CHRM4: variants seen among roughly 807,000 people sequenced by gnomAD.
The protein encoded by CHRM4 is cholinergic receptor muscarinic 4.
In CHRM4, 5 loss-of-function variants were observed where a neutral mutation model predicts 26.3. The ratio of observed to expected loss-of-function variants is 0.19; its 90% confidence interval spans 0.10 to 0.40. CHRM4 has a LOEUF of 0.40. Ranked by LOEUF, CHRM4 falls within the 10% of genes least tolerant of loss-of-function variation. CHRM4 has a pLI of 1.00. For missense variants in CHRM4, 402 were observed against 664.5 expected (o/e 0.60, Z 4.34); for synonymous variants, 290 against 285.3 (o/e 1.02, Z -0.16).
chr11:46,385,884 C>T lies in CHRM4; in HGVS notation c.674G>A (p.Arg225Gln), dbSNP rs777896843. Residue 225 changes from arginine to glutamine, a missense_variant, in exon 2 of 2, where the codon CGA (arginine) becomes CAA (glutamine). Physicochemically the swap from Arg to Gln is conservative, Grantham distance 43. This residue lies in a region of CHRM4 where 205 missense variants were observed against 244.0 expected (regional missense o/e 0.84). Transcript: ENST00000682254. This position sits in a 1 kb window ranked among gnomAD's most constrained non-coding sequence, Gnocchi z 6.3. ...YIHISLASRS[R>Q]VHKHRPEGPK... ...GCCCTCGGGCCGGTGCTTGTGGACT[C>T]GGCTGCGACTGGCCAGGGAGATGTG... 1.9e-6 allele frequency: 3 copies of T among 1,610,418 alleles called. No individual in the cohort carries two copies. Among genetic ancestry groups the T allele is most frequent in the South Asian group, 1.1e-5 (1 of 90,610 alleles).
In CHRM4 at chr11:46,385,317, G is replaced by A. The variant is rs370900717; in HGVS notation, c.1241C>T (p.Thr414Met). 15 of 1,613,714 alleles carry A rather than the reference G, an allele frequency of 9.3e-6. No homozygotes were observed. The highest frequency in any genetic ancestry group is 2.7e-5 in the African/African-American group (2 of 74,956). Residue 414 changes from threonine (T) to methionine (M), a missense_variant, in exon 2 of 2, where the codon ACG (threonine) becomes ATG (methionine). By Grantham distance (81) the Thr-to-Met change is moderately conservative (BLOSUM62 -1). Coordinates refer to ENST00000682254, the MANE Select transcript of CHRM4 (RefSeq NM_000741.5). The surrounding 1 kb of genome is among the most constrained non-coding windows in gnomAD (Gnocchi z 6.3). The part of the protein sequence containing the change: ...AILLAFILTW[T>M]PYNVMVLVNT... ...CACCAGGACCATGACGTTGTAGGGC[G>A]TCCAGGTGAGGATGAAGGCTAGCAG...
Position 46,391,187 on chromosome 11 carries a change from G to T in CHRM4, c.-30+344C>A, listed in dbSNP as rs1229193833. On this transcript the variant is annotated intron_variant, in intron 1 of 1. Coordinates refer to ENST00000682254, the MANE Select transcript of CHRM4 (RefSeq NM_000741.5). This position sits in a 1 kb window ranked among gnomAD's most constrained non-coding sequence, Gnocchi z 6.3. Reference sequence around the variant, plus strand: ...GGCCGGAGTGGGCTGGCAGCGCGGGGGCAAAGGGGTGGAGGGAGAGGGAGG... The same window carrying T: ...GGCCGGAGTGGGCTGGCAGCGCGGGTGCAAAGGGGTGGAGGGAGAGGGAGG... Among the ~76,000 whole-genome samples, 2 of 151,930 alleles carry T rather than the reference G, an allele frequency of 1.3e-5. No individual in the cohort carries two copies. Among genetic ancestry groups the T allele is most frequent in the African/African-American group, 4.8e-5 (2 of 41,400 alleles).
chr11:46,386,301 A>G lies in CHRM4; in HGVS notation c.257T>C (p.Met86Thr). The change falls in exon 2 of 2, where the codon ATG (methionine) becomes ACG (threonine). Residue 86 changes from methionine to threonine, a missense_variant. This residue lies in a region of CHRM4 where 92 missense variants were observed against 133.1 expected (regional missense o/e 0.69). Coordinates refer to ENST00000682254, the MANE Select transcript of CHRM4 (RefSeq NM_000741.5). This position sits in a 1 kb window ranked among gnomAD's most constrained non-coding sequence, Gnocchi z 5.8. ...CADLIIGAFS[M>T]NLYTVYIIKG... Reference sequence around the variant, plus strand: ...GATGATGTACACGGTGTAGAGGTTCATGGAGAAGGCGCCTATGATGAGATC... The same window carrying G: ...GATGATGTACACGGTGTAGAGGTTCGTGGAGAAGGCGCCTATGATGAGATC... The G allele has an allele frequency of 6.2e-7, 1 of 1,613,908 alleles. No individual in the cohort carries two copies. Among genetic ancestry groups the G allele is most frequent in the Non-Finnish European group, 8.5e-7 (1 of 1,179,884 alleles).
Position 46,385,418 on chromosome 11 carries a change from G to T in CHRM4, c.1140C>A (p.Ile380=), listed in dbSNP as rs200113372. ...GCTTCTTGCGCACCTGGTTGCGAGCGATGCTGGCGAACTTGCGGGCCACGT... is the reference window on the plus strand; with the variant it reads ...GCTTCTTGCGCACCTGGTTGCGAGCTATGCTGGCGAACTTGCGGGCCACGT... ...AANVARKFAS[I]ARNQVRKKRQ... Residue 380 remains isoleucine, a synonymous_variant, in exon 2 of 2, where the codon ATC becomes ATA. Coordinates refer to ENST00000682254, the MANE Select transcript of CHRM4 (RefSeq NM_000741.5). The surrounding 1 kb of genome is among the most constrained non-coding windows in gnomAD (Gnocchi z 6.3). 1 of 1,609,026 alleles carries T rather than the reference G, an allele frequency of 6.2e-7. No individual in the cohort carries two copies. The highest frequency in any genetic ancestry group is 8.5e-7 in the Non-Finnish European group (1 of 1,176,040).
rs916756068 is a variant in CHRM4 at position 46,391,673 on chromosome 11, G to A, written c.-172C>T. 2.1e-4 allele frequency among the ~76,000 whole-genome samples: 31 copies of A among 149,236 alleles called. No homozygotes were observed. Among genetic ancestry groups the A allele is most frequent in the African/African-American group, 7.3e-4 (30 of 41,176 alleles). On this transcript the variant is annotated 5_prime_UTR_variant, in exon 1 of 2. Coordinates refer to ENST00000682254, the MANE Select transcript of CHRM4 (RefSeq NM_000741.5). The surrounding 1 kb of genome is among the most constrained non-coding windows in gnomAD (Gnocchi z 6.3). ...CAGACAGACGGCGGGACGGACGCGC[G>A]GCCCCGCGGGCCGGCGGGGCGGGCG...
intron 1 of CHRM4, among the ~76,000 whole-genome samples, chr11:46,390,189 G>C (rs547875749): frequency 3.9e-5 from 6 of 152,182 alleles, no homozygotes; most frequent in Non-Finnish European, 7.3e-5. Flanking sequence ...AGCCTGCATC[G>C]GGATTGCACC....
chr11:46,386,456 G>A lies in CHRM4; in HGVS notation c.102C>T (p.Phe34=). 1.9e-6 allele frequency: 3 copies of A among 1,613,882 alleles called. No individual in the cohort carries two copies. The highest frequency in any genetic ancestry group is 1.7e-6 in the Non-Finnish European group (2 of 1,179,886). The change falls in exon 2 of 2, where the codon TTC becomes TTT. Residue 34 remains phenylalanine (F), a synonymous_variant. Transcript: ENST00000682254. This position sits in a 1 kb window ranked among gnomAD's most constrained non-coding sequence, Gnocchi z 5.8. Reference sequence around the variant, plus strand: ...TCAGGGAGCCTGTCACTGTGGCAATGAAGACCATTTCCACCGTCTCATAGC... The same window carrying A: ...TCAGGGAGCCTGTCACTGTGGCAATAAAGACCATTTCCACCGTCTCATAGC... ...HNRYETVEMV[F]IATVTGSLSL...
At chr11:46,390,399 ACAC>A (rs1945380815) in intron 1 of CHRM4, among the ~76,000 whole-genome samples, 2 of 152,320 alleles carry the variant, frequency 1.3e-5, no homozygotes, top group South Asian at 4.1e-4. Flanking sequence ...GCCTTGAGGG[ACAC>A]CAGGCACGCT....
In CHRM4 at chr11:46,386,200, C is replaced by T. The variant is rs1247534212; in HGVS notation, c.358G>A (p.Val120Ile). ...ALDYVVSNAS[V>I]MNLLIISFDR... ...AAGCTGATGATGAGAAGGTTCATGACGGAGGCGTTGCTCACCACGTAGTCC... is the reference window on the plus strand; with the variant it reads ...AAGCTGATGATGAGAAGGTTCATGATGGAGGCGTTGCTCACCACGTAGTCC... Residue 120 changes from valine to isoleucine, a missense_variant, in exon 2 of 2, where the codon GTC becomes ATC. By Grantham distance (29) the Val-to-Ile change is conservative. Around this residue, in one of 5 missense-constraint regions of CHRM4, gnomAD observed 48 missense variants for 129.1 expected, o/e 0.37. Transcript: ENST00000682254. This position sits in a 1 kb window ranked among gnomAD's most constrained non-coding sequence, Gnocchi z 5.8. 8 of 1,613,674 alleles carry T rather than the reference C, an allele frequency of 5.0e-6. No homozygotes were observed. The highest frequency in any genetic ancestry group is 1.7e-5 in the Admixed American group (1 of 60,002).
rs769639848 is a variant in CHRM4, at chr11:46,385,372, G to A, written c.1186C>T (p.Arg396Cys). The part of the protein sequence containing the change: ...RKKRQMAARE[R>C]KVTRTIFAIL... ...GCAAAGATCGTTCGTGTCACTTTGC[G>A]CTCCCGGGCCGCCATCTGCCGCTTC... The change falls in exon 2 of 2, where the codon CGC (arginine) becomes TGC (cysteine). Residue 396 changes from arginine (R) to cysteine (C), a missense_variant. Physicochemically the swap from Arg to Cys is radical, Grantham distance 180. Transcript: ENST00000682254. This position sits in a 1 kb window ranked among gnomAD's most constrained non-coding sequence, Gnocchi z 6.3. The A allele has an allele frequency of 4.3e-6, 7 of 1,609,828 alleles. No individual in the cohort carries two copies. The highest frequency in any genetic ancestry group is 5.1e-6 in the Non-Finnish European group (6 of 1,176,494).
rs979373780 is a variant in CHRM4, at chr11:46,384,800, A to C, written c.*318T>G. 4.6e-5 allele frequency among the ~76,000 whole-genome samples: 7 copies of C among 152,178 alleles called. No homozygotes were observed. The highest frequency in any genetic ancestry group is 4.6e-4 in the Admixed American group (7 of 15,284). On this transcript the variant is annotated 3_prime_UTR_variant, in exon 2 of 2. Transcript: ENST00000682254. ...GCCCTGGGCTTCGGCCCCCATCCAG[A>C]TGTCCATTCTTCCAGCACTGCTGAT...
At position 46,385,342 on chromosome 11, in the gene CHRM4, G is replaced by A. The variant is rs769165083; in HGVS notation, c.1216C>T (p.Leu406=). ...RKVTRTIFAI[L]LAFILTWTPY... is the part of the protein sequence containing the mutation. ...GTCCAGGTGAGGATGAAGGCTAGCA[G>A]AATGGCAAAGATCGTTCGTGTCACT... Residue 406 remains leucine (L), a synonymous_variant, in exon 2 of 2, where the codon CTG becomes TTG. Transcript: ENST00000682254. The surrounding 1 kb of genome is among the most constrained non-coding windows in gnomAD (Gnocchi z 6.3). 3.7e-6 allele frequency: 6 copies of A among 1,611,844 alleles called. No homozygotes were observed. In the East Asian group the frequency reaches 1.1e-4, roughly 30 times the overall value.
chr11:46,386,434 G>A lies in CHRM4; in HGVS notation c.124C>T (p.Leu42=). The A allele has an allele frequency of 1.9e-6, 3 of 1,613,926 alleles. No homozygotes were observed. Among genetic ancestry groups the A allele is most frequent in the Non-Finnish European group, 2.5e-6 (3 of 1,179,882 alleles). The part of the protein sequence containing the change: ...MVFIATVTGS[L]SLVTVVGNIL... ...TTGCCCACGACAGTCACCAGGCTCA[G>A]GGAGCCTGTCACTGTGGCAATGAAG... Residue 42 remains leucine, a synonymous_variant, in exon 2 of 2, where the codon CTG becomes TTG. Transcript: ENST00000682254. The surrounding 1 kb of genome is among the most constrained non-coding windows in gnomAD (Gnocchi z 5.8).
chr11:46,386,552 G>A lies in CHRM4; in HGVS notation c.6C>T (p.Ala2=). 1 of 1,607,854 alleles carries A rather than the reference G, an allele frequency of 6.2e-7. No individual in the cohort carries two copies. Among genetic ancestry groups the A allele is most frequent in the Non-Finnish European group, 8.5e-7 (1 of 1,175,178 alleles). The stretch of plus-strand genomic sequence containing the variant: ...AGCTGCCATTGACAGGTGTGAAGTT[G>A]GCCATGTTGGTTGCCAGGGGTGGGT... M[A]NFTPVNGSSG... Residue 2 remains alanine, a synonymous_variant, in exon 2 of 2, where the codon GCC becomes GCT. Coordinates refer to ENST00000682254, the MANE Select transcript of CHRM4 (RefSeq NM_000741.5). This position sits in a 1 kb window ranked among gnomAD's most constrained non-coding sequence, Gnocchi z 5.8.
rs752932186 is a variant in CHRM4 at position 46,386,268 on chromosome 11, T to G, written c.290A>C (p.Tyr97Ser). ...NLYTVYIIKG[Y>S]WPLGAVVCDL... ...GCAGACCACGGCGCCCAGGGGCCAG[T>G]AGCCCTTGATGATGTACACGGTGTA... The change falls in exon 2 of 2, where the codon TAC (tyrosine) becomes TCC (serine). Residue 97 changes from tyrosine to serine, a missense_variant. This residue lies in a region of CHRM4 where 92 missense variants were observed against 133.1 expected (regional missense o/e 0.69). Coordinates refer to ENST00000682254, the MANE Select transcript of CHRM4 (RefSeq NM_000741.5). The surrounding 1 kb of genome is among the most constrained non-coding windows in gnomAD (Gnocchi z 5.8). The G allele has an allele frequency of 6.2e-7, 1 of 1,613,826 alleles. No individual in the cohort carries two copies. The highest frequency in any genetic ancestry group is 8.5e-7 in the Non-Finnish European group (1 of 1,179,864).
chr11:46,386,683 T>A lies in CHRM4; in HGVS notation c.-29-97A>T. The A allele has an allele frequency of 8.2e-7, 1 of 1,217,330 alleles. No individual in the cohort carries two copies. Among genetic ancestry groups the A allele is most frequent in the Non-Finnish European group, 1.1e-6 (1 of 873,804 alleles). The allele number at this position is 1,217,330 out of a possible 1,614,324, so 75.4% of individuals were successfully genotyped here. On this transcript the variant is annotated intron_variant, in intron 1 of 1. Coordinates refer to ENST00000682254, the MANE Select transcript of CHRM4 (RefSeq NM_000741.5). The surrounding 1 kb of genome is among the most constrained non-coding windows in gnomAD (Gnocchi z 5.8). ...TTCAAGGTGACAGAGGGACATTCTCTGGCAGAATGCCTTGAGAGAACTCTG... is the reference window on the plus strand; with the variant it reads ...TTCAAGGTGACAGAGGGACATTCTCAGGCAGAATGCCTTGAGAGAACTCTG...
chr11:46,384,073 T>C lies in CHRM4; in HGVS notation c.*1045A>G, dbSNP rs889149449. On this transcript the variant is annotated 3_prime_UTR_variant, in exon 2 of 2. Coordinates refer to ENST00000682254, the MANE Select transcript of CHRM4 (RefSeq NM_000741.5). ...GGGACCAGGGCTGGGGAAGGGAACCTGGCTGACTCACTGGAACCACCACAC... is the reference window on the plus strand; with the variant it reads ...GGGACCAGGGCTGGGGAAGGGAACCCGGCTGACTCACTGGAACCACCACAC... 6.6e-6 allele frequency among the ~76,000 whole-genome samples: 1 copy of C among 152,216 alleles called. No homozygotes were observed. Among genetic ancestry groups the C allele is most frequent in the African/African-American group, 2.4e-5 (1 of 41,450 alleles).
At chr11:46,389,232 G>C (rs1434424166) in intron 1 of CHRM4, among the ~76,000 whole-genome samples, 2 of 152,180 alleles carry the variant, frequency 1.3e-5, no homozygotes, top group Non-Finnish European at 2.9e-5. Context: ...TGAGGCTTGG[G>C]TAGGGTCCCC....
chr11:46,390,551 TCTCTC>T (rs1159843714), intron 1 of CHRM4, among the ~76,000 whole-genome samples: 4 of 152,212 alleles, frequency 2.6e-5, no homozygotes. Context: ...TTGTCCTCCT[TCTCTC>T]CTCACCCTGC....
Sources: allele counts gnomAD v4.1 joint callset (sites outside exome capture counted in the v4.1 genomes callset), GRCh38; gene constraint gnomAD v4.1.1; regional missense constraint gnomAD v4.1.1; non-coding constraint Gnocchi (gnomAD v3.1); transcripts MANE v1.5; gene names NCBI Gene and HGNC (gene_info 2026-07-23, HGNC 2026-07-21).